The following GABRB2 variants were observed in gnomAD, a reference collection of about 807,000 sequenced individuals.
GABRB2 encodes the protein gamma-aminobutyric acid type A receptor subunit beta2.
GABRB2 carries 16 observed loss-of-function variants against 54.7 expected under a neutral mutation model. The ratio of observed to expected loss-of-function variants is 0.29; its 90% confidence interval spans 0.20 to 0.44. The LOEUF is 0.44. GABRB2 is among the 20% of genes least tolerant of loss of function. The pLI is 1.00. For missense variants in GABRB2, 355 were observed against 644.0 expected (o/e 0.55, Z 4.86); for synonymous variants, 244 against 233.8 (o/e 1.04, Z -0.40).
intron 3 of GABRB2, among the ~76,000 whole-genome samples, chr5:161,541,019 T>C (rs192580995): frequency 1.4e-4 from 21 of 152,218 alleles, no homozygotes; most frequent in Admixed American, 1.2e-3. Flanking sequence ...CTAATTTTTG[T>C]ATTTTTTGTA....
intron 3 of GABRB2, among the ~76,000 whole-genome samples, chr5:161,496,914 C>T (rs34217577): frequency 0.024 from 3,683 of 152,150 alleles, 53 homozygotes; most frequent in African/African-American, 0.034. Flanking sequence ...TGTATACACC[C>T]ATATCAAATT....
chr5:161,332,098 G>A (rs112795377), intron 7 of GABRB2, among the ~76,000 whole-genome samples: 7,912 of 148,438 alleles, frequency 0.053, 333 homozygotes, highest in Middle Eastern at 0.072. Context: ...CCCGGGAGGC[G>A]GAGCTTGCAG....
intron 3 of GABRB2, among the ~76,000 whole-genome samples, chr5:161,524,348 CAAT>C (rs1479968058): frequency 2.0e-5 from 3 of 151,656 alleles, no homozygotes; most frequent in Middle Eastern, 3.4e-3. Flanking sequence ...ACTCTTTAAA[CAAT>C]GATTCTTATT....
intron 3 of GABRB2, among the ~76,000 whole-genome samples, chr5:161,480,274 T>C (rs745404352): frequency 4.6e-5 from 7 of 152,092 alleles, no homozygotes; most frequent in African/African-American, 9.7e-5. Context: ...CAAACTTTTA[T>C]TGTGTTAAGT....
At chr5:161,395,552 CAT>C (rs1400153845) in intron 5 of GABRB2, among the ~76,000 whole-genome samples, 1 of 152,136 alleles carries the variant, frequency 6.6e-6, no homozygotes. Context: ...TGAAATAACA[CAT>C]ATAAGTATCG....
intron 8 of GABRB2, chr5:161,329,954 A>T (rs1220553669): frequency 2.0e-5 from 3 of 152,336 alleles, no homozygotes; most frequent in Admixed American, 1.3e-4. Flanking sequence ...AGCTGGCTCT[A>T]CTGGGACTAC....
At chr5:161,514,706 A>G (rs1027185159) in intron 3 of GABRB2, among the ~76,000 whole-genome samples, 2 of 152,124 alleles carry the variant, frequency 1.3e-5, no homozygotes, top group South Asian at 4.2e-4. Context: ...TGGCTCCATA[A>G]TCACTTAGAT....
intron 9 of GABRB2, among the ~76,000 whole-genome samples, chr5:161,308,120 C>G (rs1418292599): frequency 1.3e-5 from 2 of 152,124 alleles, no homozygotes; most frequent in African/African-American, 4.8e-5. Flanking sequence ...CTCGGCCTCA[C>G]AAAGTGCTGG....
intron 5 of GABRB2, among the ~76,000 whole-genome samples, chr5:161,337,484 G>A (rs555056714): frequency 2.0e-4 from 30 of 152,110 alleles, no homozygotes; most frequent in Non-Finnish European, 4.0e-4. Context: ...CATGCACAGT[G>A]CATTTTGGAG....
rs532644890 is a variant in GABRB2 at position 161,301,702 on chromosome 5, C to T, written c.1192-7274G>A. 1.1e-3 allele frequency among the ~76,000 whole-genome samples: 165 copies of T among 152,280 alleles called. 1 individual carries two copies. The highest frequency in any genetic ancestry group is 3.9e-3 in the African/African-American group (161 of 41,568). On this transcript the variant is annotated intron_variant, in intron 9 of 9. Coordinates refer to ENST00000393959, the MANE Select transcript of GABRB2 (RefSeq NM_001371727.1). Reference sequence around the variant, plus strand: ...GCAGATAAATTGCCTTTACAAGGACCTATGCTGCAGGCCTTGCTTCAGTAC... The same window carrying T: ...GCAGATAAATTGCCTTTACAAGGACTTATGCTGCAGGCCTTGCTTCAGTAC...
At position 161,293,937 on chromosome 5, in the gene GABRB2, G is replaced by A. The variant is rs1217588053; in HGVS notation, c.*144C>T. ...TTAGCAGAAGCAACCCAAATGGTAT[G>A]AAATGGACCACAGGATAGGCCAGCA... On this transcript the variant is annotated 3_prime_UTR_variant, in exon 10 of 10. Coordinates refer to ENST00000393959, the MANE Select transcript of GABRB2 (RefSeq NM_001371727.1). 7 of 658,212 alleles carry A rather than the reference G, an allele frequency of 1.1e-5. No homozygotes were observed. In the East Asian group the frequency reaches 1.9e-4, roughly 18 times the overall value. 40.8% of individuals were successfully genotyped at this position (658,212 alleles called of 1,614,324 possible).
intron 3 of GABRB2, among the ~76,000 whole-genome samples, chr5:161,536,057 T>G (rs1760625144): frequency 6.6e-6 from 1 of 152,184 alleles, no homozygotes; most frequent in Non-Finnish European, 1.5e-5. Flanking sequence ...CCTCACCAGA[T>G]GCAGATGTTC....
intron 3 of GABRB2, among the ~76,000 whole-genome samples, chr5:161,499,478 G>A (rs1189710197): frequency 1.3e-5 from 2 of 152,026 alleles, no homozygotes; most frequent in East Asian, 1.9e-4. Flanking sequence ...AACACCCAAC[G>A]GTTTAAGATT....
chr5:161,541,577 T>A (rs1018815501), intron 3 of GABRB2, among the ~76,000 whole-genome samples: 2 of 152,242 alleles, frequency 1.3e-5, no homozygotes, highest in Admixed American at 6.5e-5. Flanking sequence ...CTAATACACC[T>A]TGCACTTTTA....
chr5:161,325,369 T>C (rs1758331474), intron 9 of GABRB2, among the ~76,000 whole-genome samples: 1 of 152,150 alleles, frequency 6.6e-6, no homozygotes, highest in Non-Finnish European at 1.5e-5. Context: ...TACTATTTAC[T>C]AGACTTTATT....
At chr5:161,410,680 T>C (rs1756484957) in intron 5 of GABRB2, among the ~76,000 whole-genome samples, 1 of 152,158 alleles carries the variant, frequency 6.6e-6, no homozygotes, top group African/African-American at 2.4e-5. Context: ...AATTCCATAT[T>C]TTAAATGCCT....
At chr5:161,526,336 T>A (rs1364751281) in intron 3 of GABRB2, among the ~76,000 whole-genome samples, 2 of 151,392 alleles carry the variant, frequency 1.3e-5, no homozygotes, top group Non-Finnish European at 3.0e-5. Flanking sequence ...AGCCTCTGAA[T>A]GTAAGTCATG....
chr5:161,366,697 G>A (rs1176455398), intron 5 of GABRB2, among the ~76,000 whole-genome samples: 1 of 152,170 alleles, frequency 6.6e-6, no homozygotes, highest in East Asian at 1.9e-4. Flanking sequence ...TGTAATCCCA[G>A]CACTTTGGGA....
intron 5 of GABRB2, among the ~76,000 whole-genome samples, chr5:161,379,052 T>G (rs1755390153): frequency 6.6e-6 from 1 of 152,172 alleles, no homozygotes; most frequent in South Asian, 2.1e-4. Context: ...TTCTCTTACT[T>G]TTTGGTTTAA....
Sources: gnomAD v4.1 joint callset for allele counts (sites outside exome capture counted in the v4.1 genomes callset) on GRCh38, gnomAD v4.1.1 for gene constraint, MANE v1.5 for transcripts, NCBI Gene and HGNC (gene_info 2026-07-23, HGNC 2026-07-21) for gene names.